The following FGF14 variants were observed in gnomAD, a reference collection of about 807,000 sequenced individuals.
The protein encoded by FGF14 is fibroblast growth factor 14.
A neutral mutation model predicts 25.5 loss-of-function variants in FGF14; 5 were observed. That is an observed-to-expected ratio of 0.20 (90% CI 0.10 to 0.41). The LOEUF is 0.41. Ranked by LOEUF, FGF14 falls within the 10% of genes least tolerant of loss-of-function variation. The pLI, the probability that FGF14 is intolerant of heterozygous loss-of-function variation, is 1.00. For synonymous variants in FGF14, 138 were observed against 118.3 expected (o/e 1.17, Z -1.08); for missense variants, 222 against 320.1 (o/e 0.69, Z 2.34).
intron 1 of FGF14, among the ~76,000 whole-genome samples, chr13:101,896,701 ACC>A (rs2030735115): frequency 6.6e-6 from 1 of 152,146 alleles, no homozygotes; most frequent in African/African-American, 2.4e-5. Flanking sequence ...GCATATGTGT[ACC>A]TACATGCACG....
At chr13:101,914,417 C>T (rs916147411) in intron 1 of FGF14, among the ~76,000 whole-genome samples, 4 of 151,922 alleles carry the variant, frequency 2.6e-5, no homozygotes, top group African/African-American at 7.2e-5. Flanking sequence ...AATTCTCATA[C>T]AATTTCCTTA....
chr13:102,034,169 C>T (rs2041354482), intron 1 of FGF14, among the ~76,000 whole-genome samples: 1 of 152,058 alleles, frequency 6.6e-6, no homozygotes, highest in Non-Finnish European at 1.5e-5. Flanking sequence ...AACTCAATTT[C>T]CCTAGAGACT....
chr13:102,087,967 T>C lies in FGF14; in HGVS notation c.209-212671A>G, dbSNP rs111614539. 1.1e-4 allele frequency among the ~76,000 whole-genome samples: 17 copies of C among 152,374 alleles called. 1 individual carries two copies. Among genetic ancestry groups the C allele is most frequent in the African/African-American group, 4.1e-4 (17 of 41,582 alleles). Reference sequence around the variant, plus strand: ...CTGATTGTAAAGCTCATGGCTTTTCTACTTCTCTATATGTATGTAAAAATA... The same window carrying C: ...CTGATTGTAAAGCTCATGGCTTTTCCACTTCTCTATATGTATGTAAAAATA... On this transcript the variant is annotated intron_variant, in intron 1 of 4. Coordinates refer to the FGF14 transcript ENST00000376131.
At chr13:101,742,265 T>C (rs773774940) in intron 3 of FGF14, among the ~76,000 whole-genome samples, 7 of 152,190 alleles carry the variant, frequency 4.6e-5, no homozygotes, top group Non-Finnish European at 1.0e-4. Context: ...CAAACCACCA[T>C]GGCACATGTA....
chr13:101,888,870 C>T (rs2138869574), intron 1 of FGF14, among the ~76,000 whole-genome samples: 1 of 152,216 alleles, frequency 6.6e-6, no homozygotes, highest in African/African-American at 2.4e-5. Flanking sequence ...AATTGTGTCC[C>T]CCTAAAACTC....
intron 1 of FGF14, among the ~76,000 whole-genome samples, chr13:102,044,536 G>T (rs55833916): frequency 0.068 from 9,910 of 146,646 alleles, 375 homozygotes; most frequent in Middle Eastern, 0.099. Flanking sequence ...CTCCTCTTTC[G>T]TAAAAAAAAA....
chr13:102,380,963 C>T (rs758317255), intron 1 of FGF14, among the ~76,000 whole-genome samples: 24 of 152,274 alleles, frequency 1.6e-4, no homozygotes, highest in South Asian at 6.2e-4. Flanking sequence ...CCATTTAATA[C>T]ACCTAACCTA....
At chr13:102,238,029 C>A (rs2051408122) in intron 1 of FGF14, among the ~76,000 whole-genome samples, 1 of 152,074 alleles carries the variant, frequency 6.6e-6, no homozygotes, top group Non-Finnish European at 1.5e-5. Context: ...AGTTAGTTAC[C>A]ATTTATGTAC....
intron 3 of FGF14, among the ~76,000 whole-genome samples, chr13:101,734,738 T>A (rs989096192): frequency 2.6e-5 from 4 of 152,106 alleles, no homozygotes; most frequent in Non-Finnish European, 5.9e-5. Flanking sequence ...CTCACCATAA[T>A]CGTATGGGAT....
chr13:102,065,827 TATATAAA>T (rs2042880879), intron 1 of FGF14, among the ~76,000 whole-genome samples: 1 of 152,078 alleles, frequency 6.6e-6, no homozygotes, highest in Admixed American at 6.6e-5. Flanking sequence ...AGTTACTATG[TATATAAA>T]ATATAAAAGT....
rs146782323 is a variant in FGF14 at position 101,981,739 on chromosome 13, T to C, written c.209-106443A>G. 1.8e-3 allele frequency among the ~76,000 whole-genome samples: 279 copies of C among 152,292 alleles called. 3 individuals carry two copies. The highest frequency in any genetic ancestry group is 6.3e-3 in the African/African-American group (262 of 41,558). ...CATTGATTCTCAAGCTTAGTTCAAA[T>C]TGGGCCCTTCAGGGGTCTGTTGAAG... On this transcript the variant is annotated intron_variant, in intron 1 of 4. Transcript: ENST00000376131.
At chr13:102,381,255 CAAAT>C (rs1440941230) in intron 1 of FGF14, among the ~76,000 whole-genome samples, 1 of 152,182 alleles carries the variant, frequency 6.6e-6, no homozygotes, top group African/African-American at 2.4e-5. Context: ...CCATTATCTA[CAAAT>C]AGTCTAGTGT....
chr13:101,962,969 C>T (rs892913788), intron 1 of FGF14, among the ~76,000 whole-genome samples: 10 of 152,180 alleles, frequency 6.6e-5, no homozygotes, highest in African/African-American at 2.2e-4. Flanking sequence ...TTTCATCTTC[C>T]GTAGAACTGC....
At chr13:102,118,197 T>A (rs1483168191) in intron 1 of FGF14, among the ~76,000 whole-genome samples, 2 of 152,018 alleles carry the variant, frequency 1.3e-5, no homozygotes, top group African/African-American at 4.8e-5. Context: ...ATTCATTGTA[T>A]AGGATAAATA....
At chr13:102,030,423 C>T (rs1166753312) in intron 1 of FGF14, among the ~76,000 whole-genome samples, 1 of 151,932 alleles carries the variant, frequency 6.6e-6, no homozygotes, top group Non-Finnish European at 1.5e-5. Context: ...CTGCAACCAA[C>T]CAGCCAACCT....
intron 3 of FGF14, among the ~76,000 whole-genome samples, chr13:101,820,779 CACACACACACACACACACACACACACA>C (rs1259555507): frequency 2.5e-4 from 5 of 19,718 alleles, no homozygotes; most frequent in African/African-American, 5.7e-4. Flanking sequence ...CACCACACAC[CACACACACACACACACACACACACACA>C]ACACACACAC....
intron 1 of FGF14, among the ~76,000 whole-genome samples, chr13:101,952,417 T>C (rs1279647694): frequency 6.6e-6 from 1 of 151,870 alleles, no homozygotes; most frequent in Non-Finnish European, 1.5e-5. Context: ...TGGCTACTTT[T>C]TTTTTTTTCT....
intron 1 of FGF14, among the ~76,000 whole-genome samples, chr13:102,052,989 A>G (rs1410571607): frequency 6.6e-6 from 1 of 152,138 alleles, no homozygotes; most frequent in Non-Finnish European, 1.5e-5. Flanking sequence ...ACTGATGTAC[A>G]ATATAAAAAG....
intron 1 of FGF14, among the ~76,000 whole-genome samples, chr13:102,316,545 A>T (rs1315000270): frequency 6.6e-6 from 1 of 152,230 alleles, no homozygotes; most frequent in Non-Finnish European, 1.5e-5. Flanking sequence ...GAAACTAAAC[A>T]TGTTAAAACA....
Sources: allele counts gnomAD v4.1 joint callset (sites outside exome capture counted in the v4.1 genomes callset), GRCh38; gene constraint gnomAD v4.1.1; transcripts MANE v1.5; gene names NCBI Gene and HGNC (gene_info 2026-07-23, HGNC 2026-07-21).